CSMD1: variants seen among roughly 807,000 people sequenced by gnomAD.
CSMD1 encodes CUB and sushi domain-containing protein 1.
A neutral mutation model predicts 417.5 loss-of-function variants in CSMD1; 213 were observed. That is an observed-to-expected ratio of 0.51 (90% confidence interval 0.46 to 0.57). CSMD1 has a LOEUF of 0.57. Among genes scored for constraint, CSMD1 ranks in the 20% least tolerant of loss-of-function variants. The probability of loss-of-function intolerance (pLI) is 0.00; values close to 1 mark genes in which losing one functional copy is unlikely to be tolerated. For synonymous variants in CSMD1, 2,862 were observed against 1,736.8 expected, an observed-to-expected ratio of 1.65 and a Z score of -16.11; for missense variants, 6,923 against 4,529.7, an observed-to-expected ratio of 1.53 and a Z score of -15.17.
Position 4,904,892 on chromosome 8 carries a change from T to C in CSMD1, c.85+89440A>G, listed in dbSNP as rs371104121. 3.6e-4 allele frequency among the ~76,000 whole-genome samples: 55 copies of C among 152,270 alleles called. No homozygotes were observed. The East Asian group carries it at 9.7e-3, about 27-fold the overall frequency. On this transcript the variant is annotated intron_variant, in intron 1 of 69. Coordinates refer to ENST00000635120, the MANE Select transcript of CSMD1 (RefSeq NM_033225.6). The stretch of plus-strand genomic sequence containing the variant: ...GGGACTGTATTCATTTATTTTCCAA[T>C]GAAAAAGAGCCTGCAAGCACTTCTG...
At chr8:4,318,714 A>C (rs1454706141) in intron 3 of CSMD1, among the ~76,000 whole-genome samples, 1 of 5,898 alleles carries the variant, frequency 1.7e-4, no homozygotes, top group East Asian at 7.0e-3. Flanking sequence ...TTAAAATCTC[A>C]AAAAAAAAAA....
At chr8:4,164,818 G>C (rs965786000) in intron 3 of CSMD1, among the ~76,000 whole-genome samples, 14 of 151,824 alleles carry the variant, frequency 9.2e-5, no homozygotes, top group African/African-American at 2.9e-4. Context: ...GGAGCTTGCA[G>C]TGAGCTGACA....
At chr8:3,857,538 C>G (rs137942927) in intron 5 of CSMD1, among the ~76,000 whole-genome samples, 249 of 152,302 alleles carry the variant, frequency 1.6e-3, no homozygotes, top group African/African-American at 5.8e-3. Flanking sequence ...TATTACTCCA[C>G]TGGAAATGGC....
At chr8:3,800,657 T>C (rs1420022534) in intron 5 of CSMD1, among the ~76,000 whole-genome samples, 1 of 152,220 alleles carries the variant, frequency 6.6e-6, no homozygotes, top group African/African-American at 2.4e-5. Context: ...AGAACCCTCA[T>C]GAACGGCTTG....
chr8:3,179,884 C>G (rs772465617), intron 37 of CSMD1, among the ~76,000 whole-genome samples: 1 of 152,162 alleles, frequency 6.6e-6, no homozygotes, highest in Non-Finnish European at 1.5e-5. Context: ...AACTTGCAGA[C>G]AAATGCCCAT....
chr8:3,830,902 A>G (rs761054198), intron 5 of CSMD1, among the ~76,000 whole-genome samples: 23 of 152,130 alleles, frequency 1.5e-4, no homozygotes, highest in Non-Finnish European at 3.1e-4. Flanking sequence ...AATAAAATCT[A>G]TATTTCCTTC....
intron 2 of CSMD1, among the ~76,000 whole-genome samples, chr8:4,511,905 C>T (rs186015470): frequency 4.6e-5 from 7 of 152,248 alleles, no homozygotes; most frequent in African/African-American, 1.7e-4. Context: ...GGAAAAGGAA[C>T]CATTTTTGCA....
intron 5 of CSMD1, among the ~76,000 whole-genome samples, chr8:3,797,619 G>T (rs1014781127): frequency 6.6e-6 from 1 of 151,854 alleles, no homozygotes; most frequent in East Asian, 1.9e-4. Flanking sequence ...ACTTTTTATT[G>T]TTGGGTAGTG....
At chr8:3,950,027 G>A in intron 5 of CSMD1, 1 of 455,774 alleles carries the variant, frequency 2.2e-6, no homozygotes, top group South Asian at 1.5e-5. Flanking sequence ...GGCATTTCCT[G>A]TGCGTATTTG....
At chr8:4,345,406 G>T (rs976787265) in intron 3 of CSMD1, among the ~76,000 whole-genome samples, 1 of 151,818 alleles carries the variant, frequency 6.6e-6, no homozygotes, top group African/African-American at 2.4e-5. Flanking sequence ...TTTCATACAT[G>T]GATACAATGT....
In CSMD1 at chr8:4,224,456, G is replaced by T. The variant is rs568884602; in HGVS notation, c.416-192357C>A. Among the ~76,000 whole-genome samples the T allele has an allele frequency of 6.6e-5, 10 of 151,632 alleles. No individual in the cohort carries two copies. In the South Asian group the frequency reaches 1.9e-3, roughly 28 times the overall value. ...TTTAAAGCTTATTCTCAGAGGCCAGGTTGGGGAATAGTTGCTCTGACCCAT... is the reference window on the plus strand; with the variant it reads ...TTTAAAGCTTATTCTCAGAGGCCAGTTTGGGGAATAGTTGCTCTGACCCAT... On this transcript the variant is annotated intron_variant, in intron 3 of 69. Coordinates refer to ENST00000635120, the MANE Select transcript of CSMD1 (RefSeq NM_033225.6).
chr8:4,444,521 G>A (rs1654055597), intron 2 of CSMD1, among the ~76,000 whole-genome samples: 1 of 151,984 alleles, frequency 6.6e-6, no homozygotes, highest in Admixed American at 6.6e-5. Context: ...AGTTTTTTTA[G>A]CCACGGAGAA....
chr8:4,112,264 A>C (rs1286145969), intron 3 of CSMD1, among the ~76,000 whole-genome samples: 1 of 152,092 alleles, frequency 6.6e-6, no homozygotes, highest in African/African-American at 2.4e-5. Flanking sequence ...GGCATCAATG[A>C]ATGTCTCTGA....
intron 1 of CSMD1, among the ~76,000 whole-genome samples, chr8:4,806,607 C>T (rs749758397): frequency 1.1e-4 from 16 of 152,202 alleles, no homozygotes; most frequent in Non-Finnish European, 1.8e-4. Context: ...AATTAACTTT[C>T]TCTTCTCATC....
intron 3 of CSMD1, among the ~76,000 whole-genome samples, chr8:4,374,073 T>A (rs1228985253): frequency 1.3e-5 from 2 of 152,136 alleles, no homozygotes; most frequent in Non-Finnish European, 2.9e-5. Context: ...TAATCAATAA[T>A]GAAGTGTATC....
intron 1 of CSMD1, among the ~76,000 whole-genome samples, chr8:4,656,266 G>C (rs1433800701): frequency 6.6e-6 from 1 of 151,996 alleles, no homozygotes; most frequent in Non-Finnish European, 1.5e-5. Context: ...GGCAGTAGAA[G>C]AAGCCAGTGA....
chr8:4,854,187 G>A (rs978317632), intron 1 of CSMD1, among the ~76,000 whole-genome samples: 10 of 152,168 alleles, frequency 6.6e-5, no homozygotes, highest in African/African-American at 2.2e-4. Context: ...TGTGAGAAGG[G>A]CATGAGATTT....
At chr8:3,187,843 A>C (rs1381028780) in intron 36 of CSMD1, 26 bp downstream of exon 36, 4 of 1,563,880 alleles carry the variant, frequency 2.6e-6, no homozygotes, top group Non-Finnish European at 2.6e-6. Flanking sequence ...TGAGTCACAC[A>C]GGTGAGGAAA....
At chr8:4,069,173 G>C (rs1386556315) in intron 3 of CSMD1, among the ~76,000 whole-genome samples, 3 of 152,076 alleles carry the variant, frequency 2.0e-5, no homozygotes, top group Admixed American at 6.5e-5. Context: ...TACTATGATG[G>C]GTAGGCATAA....
Sources: gnomAD v4.1 joint callset for allele counts (sites outside exome capture counted in the v4.1 genomes callset) on GRCh38, gnomAD v4.1.1 for gene constraint, MANE v1.5 for transcripts, NCBI Gene and HGNC (gene_info 2026-07-23, HGNC 2026-07-21) for gene names.